The following QKI variants were observed in gnomAD, a reference collection of about 807,000 sequenced individuals.
QKI encodes the protein KH domain-containing RNA-binding protein QKI.
Under a neutral mutation model 39.0 loss-of-function variants are expected in QKI, and 10 were observed. The ratio of observed to expected loss-of-function variants is 0.26; its 90% confidence interval spans 0.16 to 0.43. The LOEUF (loss-of-function observed/expected upper bound fraction) is 0.43, where lower values mean the gene tolerates loss of function less well. Ranked by LOEUF, QKI falls within the 20% of genes least tolerant of loss-of-function variation. The pLI, the probability that QKI is intolerant of heterozygous loss-of-function variation, is 1.00. For missense variants in QKI, 218 were observed against 428.0 expected (o/e 0.51, Z 4.33); for synonymous variants, 204 against 155.4 (o/e 1.31, Z -2.33).
At chr6:163,570,049 A>C in intron 7 of QKI, 1 of 986,234 alleles carries the variant, frequency 1.0e-6, no homozygotes, top group Non-Finnish European at 1.2e-6. Context: ...GCTAGACTAC[A>C]GTTTAGTATC....
In QKI at chr6:163,479,018, G is replaced by A. The variant is rs573590331; in HGVS notation, c.402+122G>A. ...ACTATATTCCAGGCCGGGCGCGGTGGCTCACGCCTGTAATCCCAGCACTTT... is the reference window on the plus strand; with the variant it reads ...ACTATATTCCAGGCCGGGCGCGGTGACTCACGCCTGTAATCCCAGCACTTT... On this transcript the variant is annotated intron_variant, in intron 3 of 7. Transcript: ENST00000361752. The A allele has an allele frequency of 1.2e-5, 9 of 751,804 alleles. No individual in the cohort carries two copies. The East Asian group carries it at 2.4e-4, about 20-fold the overall frequency. 46.6% of individuals were successfully genotyped at this position (751,804 alleles called of 1,614,324 possible). A position where few individuals can be genotyped will look rare whatever the true frequency, so the allele number is the denominator to read the frequency against.
chr6:163,474,787 T>TAAAAAAAAAAAA (rs35897463), intron 2 of QKI, among the ~76,000 whole-genome samples: 2 of 108,640 alleles, frequency 1.8e-5, no homozygotes, highest in Non-Finnish European at 1.8e-5. Context: ...ACAAAAAAGT[T>TAAAAAAAAAAAA]AAAAAAAAAA....
intron 4 of QKI, among the ~76,000 whole-genome samples, chr6:163,558,700 G>A (rs772519269): frequency 6.6e-5 from 10 of 152,060 alleles, no homozygotes; most frequent in Non-Finnish European, 1.2e-4. Context: ...CACCCGGCCA[G>A]TGAACCCTGT....
At chr6:163,448,482 C>G (rs542941826) in intron 1 of QKI, among the ~76,000 whole-genome samples, 2 of 152,008 alleles carry the variant, frequency 1.3e-5, no homozygotes, top group South Asian at 2.1e-4. Context: ...AATCCCAGCA[C>G]TTTGTGAGGC....
intron 7 of QKI, chr6:163,568,522 A>G (rs574139365): frequency 2.0e-6 from 2 of 983,676 alleles, no homozygotes; most frequent in Non-Finnish European, 2.4e-6. Flanking sequence ...GTAACAGAGT[A>G]CTCGTATACT....
intron 4 of QKI, among the ~76,000 whole-genome samples, chr6:163,538,643 C>G (rs905241021): frequency 6.6e-6 from 1 of 152,152 alleles, no homozygotes; most frequent in Non-Finnish European, 1.5e-5. Context: ...ATTTGTATTT[C>G]AAAGGATCAT....
chr6:163,427,688 C>T (rs1290482395), intron 1 of QKI, among the ~76,000 whole-genome samples: 3 of 151,554 alleles, frequency 2.0e-5, no homozygotes, highest in African/African-American at 2.4e-5. Context: ...TGTGTGTGCG[C>T]GCGTGTGTGT....
At chr6:163,532,745 A>G (rs995632319) in intron 3 of QKI, among the ~76,000 whole-genome samples, 2 of 152,092 alleles carry the variant, frequency 1.3e-5, no homozygotes, top group Non-Finnish European at 2.9e-5. Flanking sequence ...TCTCTCAAGT[A>G]TGCAACGATC....
chr6:163,436,056 G>A (rs1789245466), intron 1 of QKI, among the ~76,000 whole-genome samples: 1 of 152,162 alleles, frequency 6.6e-6, no homozygotes, highest in Non-Finnish European at 1.5e-5. Context: ...TGTATTTTGA[G>A]ATGCCTGTTC....
chr6:163,502,815 C>A (rs778791920), intron 3 of QKI, among the ~76,000 whole-genome samples: 1 of 152,130 alleles, frequency 6.6e-6, no homozygotes, highest in Non-Finnish European at 1.5e-5. Context: ...GATGAACATG[C>A]AAGTTGCATG....
At chr6:163,465,936 CA>C (rs967368864) in intron 2 of QKI, among the ~76,000 whole-genome samples, 4 of 151,394 alleles carry the variant, frequency 2.6e-5, no homozygotes, top group Admixed American at 2.6e-4. Flanking sequence ...CCAGCCTGGC[CA>C]ACATGGTGAA....
intron 3 of QKI, among the ~76,000 whole-genome samples, chr6:163,495,130 G>T (rs1583095564): frequency 6.6e-6 from 1 of 152,064 alleles, no homozygotes; most frequent in Admixed American, 6.5e-5. Flanking sequence ...GGCCACGCTG[G>T]TCTCGAACTC....
At chr6:163,449,978 T>C (rs972503927) in intron 1 of QKI, among the ~76,000 whole-genome samples, 6 of 152,026 alleles carry the variant, frequency 3.9e-5, no homozygotes, top group Non-Finnish European at 8.8e-5. Context: ...ATATATGTAA[T>C]TGGATTTAAC....
rs780069430 is a variant in QKI at position 163,572,168 on chromosome 6, A to G, written c.*1458A>G. The G allele has an allele frequency of 1.3e-5, 2 of 152,214 alleles. No homozygotes were observed. The highest frequency in any genetic ancestry group is 1.3e-4 in the Admixed American group (2 of 15,280). 9.4% of individuals were successfully genotyped at this position (152,214 alleles called of 1,614,324 possible). On this transcript the variant is annotated 3_prime_UTR_variant, in exon 8 of 8. Transcript: ENST00000361752. ...TATTCCAATCTTCAATGTTAACCCAAAGGATTCTGAGATAAAAATTATGTG... is the reference window on the plus strand; with the variant it reads ...TATTCCAATCTTCAATGTTAACCCAGAGGATTCTGAGATAAAAATTATGTG...
intron 1 of QKI, among the ~76,000 whole-genome samples, chr6:163,439,336 TTTTG>T (rs1346319224): frequency 7.7e-6 from 1 of 129,282 alleles, no homozygotes; most frequent in South Asian, 2.5e-4. Context: ...CGTGGTTTTT[TTTTG>T]TTTTTTTTTT....
At chr6:163,415,359 C>T in intron 1 of QKI, 24 bp downstream of exon 1, 1 of 1,572,594 alleles carries the variant, frequency 6.4e-7, no homozygotes, top group African/African-American at 1.4e-5. Flanking sequence ...GGGCCCCGGC[C>T]CCGGCCCGAC....
At chr6:163,550,718 AG>A in intron 4 of QKI, among the ~76,000 whole-genome samples, 1 of 152,188 alleles carries the variant, frequency 6.6e-6, no homozygotes, top group Non-Finnish European at 1.5e-5. Context: ...AGGCTGAGGC[AG>A]GTGGATCACC....
chr6:163,517,403 G>GT (rs1306622613), intron 3 of QKI, among the ~76,000 whole-genome samples: 2 of 152,028 alleles, frequency 1.3e-5, no homozygotes, highest in Non-Finnish European at 2.9e-5. Context: ...ATCTAGAGTG[G>GT]TTTTTTGTTT....
intron 6 of QKI, chr6:163,566,346 A>G: frequency 8.4e-7 from 1 of 1,194,080 alleles, no homozygotes; most frequent in Non-Finnish European, 1.0e-6. Flanking sequence ...TAAGGTTAGC[A>G]AATAATTGTC....
Sources: allele counts gnomAD v4.1 joint callset (sites outside exome capture counted in the v4.1 genomes callset), GRCh38; gene constraint gnomAD v4.1.1; transcripts MANE v1.5; gene names NCBI Gene and HGNC (gene_info 2026-07-23, HGNC 2026-07-21).